KAZN: variants seen among roughly 807,000 people sequenced by gnomAD.
KAZN encodes kazrin.
Under a neutral mutation model 87.4 loss-of-function variants are expected in KAZN, and 40 were observed. The observed-to-expected ratio is 0.46, with a 90% CI of 0.36 to 0.60. KAZN has a LOEUF of 0.60. Ranked by LOEUF, KAZN falls within the 20% of genes least tolerant of loss-of-function variation. The probability of loss-of-function intolerance (pLI) is 0.00; values close to 1 mark genes in which losing one functional copy is unlikely to be tolerated. For missense variants in KAZN, 898 were observed against 1,073.9 expected, an observed-to-expected ratio of 0.84 and a Z score of 2.29; for synonymous variants, 466 against 458.3, an observed-to-expected ratio of 1.02 and a Z score of -0.22.
intron 1 of KAZN, among the ~76,000 whole-genome samples, chr1:13,897,104 G>T (rs553973602): frequency 6.6e-6 from 1 of 152,122 alleles, no homozygotes; most frequent in Non-Finnish European, 1.5e-5. Flanking sequence ...GCCAAATCTG[G>T]CCCACTACTT....
intron 2 of KAZN, among the ~76,000 whole-genome samples, chr1:14,423,600 T>G (rs1354835346): frequency 6.6e-6 from 1 of 152,174 alleles, no homozygotes; most frequent in African/African-American, 2.4e-5. Context: ...ATTGAGCACT[T>G]ACTATGGATC....
intron 1 of KAZN, among the ~76,000 whole-genome samples, chr1:13,998,163 A>T (rs1639614534): frequency 6.6e-6 from 1 of 152,202 alleles, no homozygotes; most frequent in South Asian, 2.1e-4. Context: ...CTTTCCAGAG[A>T]AAAAGATGCT....
At chr1:14,113,716 G>C (rs562951786) in intron 1 of KAZN, among the ~76,000 whole-genome samples, 3 of 152,330 alleles carry the variant, frequency 2.0e-5, no homozygotes, top group Non-Finnish European at 2.9e-5. Flanking sequence ...TGGGGTGTCT[G>C]AGCTCTGTCC....
At chr1:14,064,835 C>T (rs1642945517) in intron 1 of KAZN, among the ~76,000 whole-genome samples, 1 of 152,190 alleles carries the variant, frequency 6.6e-6, no homozygotes, top group African/African-American at 2.4e-5. Flanking sequence ...CATCCTGAGT[C>T]AGTGGAGGGG....
chr1:15,003,287 G>A (rs67857825), intron 2 of KAZN, among the ~76,000 whole-genome samples: 35,095 of 152,064 alleles, frequency 0.23, 4,551 homozygotes, highest in African/African-American at 0.34. Context: ...AGTGGGTGCC[G>A]GTTAGCTGTT....
At chr1:14,387,204 A>G (rs1302964124) in intron 2 of KAZN, among the ~76,000 whole-genome samples, 5 of 152,004 alleles carry the variant, frequency 3.3e-5, no homozygotes, top group Non-Finnish European at 5.9e-5. Context: ...TATTCTAGTT[A>G]TACATTCTTC....
At chr1:14,938,421 A>T (rs2101623055) in intron 1 of KAZN, among the ~76,000 whole-genome samples, 1 of 152,196 alleles carries the variant, frequency 6.6e-6, no homozygotes, top group East Asian at 1.9e-4. Context: ...GGACACCTGT[A>T]ATCCTAGCTA....
chr1:14,473,637 C>CA (rs57752492), intron 2 of KAZN, among the ~76,000 whole-genome samples: 4,776 of 80,848 alleles, frequency 0.059, 89 homozygotes, highest in Admixed American at 0.069. Context: ...GACTCTGTCT[C>CA]AAAAAAAAAA....
At chr1:13,892,847 C>T (rs1407769907) in exon 1 of KAZN, 3 of 152,378 alleles carry the variant, frequency 2.0e-5, no homozygotes, top group Non-Finnish European at 2.9e-5. Flanking sequence ...GGAACTGCCC[C>T]CTTTGCATCG....
intron 1 of KAZN, among the ~76,000 whole-genome samples, chr1:13,996,581 C>T (rs1193410052): frequency 6.6e-6 from 1 of 152,234 alleles, no homozygotes; most frequent in East Asian, 1.9e-4. Flanking sequence ...CCGGCTGTGG[C>T]AGACTGCAGC....
chr1:14,884,928 C>G (rs957620661), intron 1 of KAZN, among the ~76,000 whole-genome samples: 1 of 152,328 alleles, frequency 6.6e-6, no homozygotes, highest in South Asian at 2.1e-4. Flanking sequence ...AGGCGGGGAG[C>G]AGAGGGGACC....
chr1:14,780,042 G>A (rs770983783), intron 1 of KAZN, among the ~76,000 whole-genome samples: 1 of 152,170 alleles, frequency 6.6e-6, no homozygotes, highest in Non-Finnish European at 1.5e-5. Context: ...CCCAACAAAC[G>A]CATGAGGTAT....
chr1:14,781,239 G>A (rs142011587), intron 1 of KAZN, among the ~76,000 whole-genome samples: 13 of 152,176 alleles, frequency 8.5e-5, no homozygotes, highest in Non-Finnish European at 1.5e-4. Flanking sequence ...GGAGAATGGC[G>A]TGAACCCAGG....
chr1:14,669,649 G>A (rs960794552), intron 1 of KAZN, among the ~76,000 whole-genome samples: 6 of 152,138 alleles, frequency 3.9e-5, no homozygotes, highest in African/African-American at 1.4e-4. Flanking sequence ...CAGGAGGCTG[G>A]GATGGGAGGA....
At chr1:14,420,271 T>A (rs188445221) in intron 2 of KAZN, among the ~76,000 whole-genome samples, 67 of 152,112 alleles carry the variant, frequency 4.4e-4, no homozygotes, top group South Asian at 6.3e-4. Context: ...GTTCTCCAAG[T>A]CCCCACCAGA....
chr1:14,544,738 T>TAA (rs58351260), intron 2 of KAZN, among the ~76,000 whole-genome samples: 16 of 137,812 alleles, frequency 1.2e-4, no homozygotes, highest in African/African-American at 3.2e-4. Flanking sequence ...CTTCTTTATT[T>TAA]AAAAAAAAAA....
At position 14,599,868 on chromosome 1, in the gene KAZN, A is replaced by G. The variant is rs1676817354; in HGVS notation, c.226+645A>G. 6.6e-6 allele frequency among the ~76,000 whole-genome samples: 1 copy of G among 151,920 alleles called. No individual in the cohort carries two copies. The highest frequency in any genetic ancestry group is 2.1e-4 in the South Asian group (1 of 4,796). On this transcript the variant is annotated intron_variant, in intron 1 of 14. Coordinates refer to ENST00000376030, the MANE Select transcript of KAZN (RefSeq NM_201628.3). The surrounding 1 kb of genome is among the most constrained non-coding windows in gnomAD (Gnocchi z 4.4). ...TTCCAGGGGGATACTGTAGACCTCA[A>G]AGGTTGAGCGGTAGAGAAATGAAGG...
Position 15,114,778 on chromosome 1 carries a change from G to A in KAZN, c.*143G>A. On this transcript the variant is annotated 3_prime_UTR_variant, in exon 15 of 15. Transcript: ENST00000376030. ...CCTGGGCAAAATCCCGATGGACTCT[G>A]CGGTTTCAGCTCCACAGCGCCCAGG... 2.5e-6 allele frequency: 2 copies of A among 807,464 alleles called. No individual in the cohort carries two copies. Among genetic ancestry groups the A allele is most frequent in the East Asian group, 5.4e-5 (2 of 36,876 alleles). 50.0% of individuals were successfully genotyped at this position (807,464 alleles called of 1,614,324 possible).
intron 2 of KAZN, among the ~76,000 whole-genome samples, chr1:14,238,362 G>A (rs933636533): frequency 1.3e-5 from 2 of 152,192 alleles, no homozygotes; most frequent in African/African-American, 4.8e-5. Flanking sequence ...CCCACTGTCT[G>A]GGTGTCCTCT....
Sources: allele counts gnomAD v4.1 joint callset (sites outside exome capture counted in the v4.1 genomes callset), GRCh38; gene constraint gnomAD v4.1.1; non-coding constraint Gnocchi (gnomAD v3.1); transcripts MANE v1.5; gene names NCBI Gene and HGNC (gene_info 2026-07-23, HGNC 2026-07-21).